DMD: variants seen among roughly 807,000 people sequenced by gnomAD.
The protein encoded by DMD is dystrophin, also known as mutant dystrophin.
Under a neutral mutation model 330.1 loss-of-function variants are expected in DMD, and 63 were observed. The ratio of observed to expected loss-of-function variants is 0.19; its 90% CI spans 0.16 to 0.24. The LOEUF is 0.24. Ranked by LOEUF, DMD falls within the 10% of genes least tolerant of loss-of-function variation. The pLI, the probability that DMD is intolerant of heterozygous loss-of-function variation, is 1.00. For synonymous variants in DMD, 1,223 were observed against 959.8 expected, an observed-to-expected ratio of 1.27 and a Z score of -5.07; for missense variants, 3,344 against 2,684.1, an observed-to-expected ratio of 1.25 and a Z score of -5.43.
intron 1 of DMD, among the ~76,000 whole-genome samples, chrX:33,021,360 G>A (rs1046002037): frequency 1.5e-5 from 1 of 67,865 alleles, no homozygotes; most frequent in Non-Finnish European, 2.6e-5. Context: ...TTTTCTCCAA[G>A]CAAAAGACTA....
chrX:32,900,911 T>C (rs889122457), intron 2 of DMD, among the ~76,000 whole-genome samples: 10 of 111,213 alleles, frequency 9.0e-5, no homozygotes, highest in African/African-American at 3.3e-4. Flanking sequence ...GTATTATTAT[T>C]TATTAAGAAT....
rs145606148 is a variant in DMD at position 32,766,450 on chromosome X, T to G, written c.649+43043A>C. 4.7e-3 allele frequency among the ~76,000 whole-genome samples: 530 copies of G among 111,840 alleles called. 12 individuals are homozygous for G. The East Asian group carries it at 0.087, about 18-fold the overall frequency. On this transcript the variant is annotated intron_variant, in intron 7 of 78. Transcript: ENST00000357033. Reference sequence around the variant, plus strand: ...TTAATTCCTAAGTATTTTACTCTTTTTGTTACTATTTTAAATAAAATTGTT... The same window carrying G: ...TTAATTCCTAAGTATTTTACTCTTTGTGTTACTATTTTAAATAAAATTGTT...
At chrX:32,752,467 C>T (rs2070950852) in intron 7 of DMD, among the ~76,000 whole-genome samples, 2 of 108,614 alleles carry the variant, frequency 1.8e-5, no homozygotes, top group South Asian at 8.4e-4. Flanking sequence ...TTACCCAATG[C>T]CTGTAACCCC....
At chrX:32,774,888 C>T (rs1213985826) in intron 7 of DMD, among the ~76,000 whole-genome samples, 1 of 111,826 alleles carries the variant, frequency 8.9e-6, no homozygotes, top group African/African-American at 3.3e-5. Flanking sequence ...GTCAAAATTC[C>T]AAGTCCAAAG....
chrX:32,452,533 G>A (rs999189936), intron 26 of DMD, among the ~76,000 whole-genome samples: 1 of 99,408 alleles, frequency 1.0e-5, no homozygotes, highest in African/African-American at 3.6e-5. Context: ...AAAAAGAGAT[G>A]AAATAGAATA....
At chrX:32,084,188 TAAG>T (rs987326992) in intron 44 of DMD, among the ~76,000 whole-genome samples, 1 of 111,959 alleles carries the variant, frequency 8.9e-6, no homozygotes, top group Non-Finnish European at 1.9e-5. Context: ...CTTGAGTTAG[TAAG>T]AAGGACTTAG....
chrX:32,400,885 T>C (rs867655078), intron 30 of DMD, among the ~76,000 whole-genome samples: 4 of 109,540 alleles, frequency 3.7e-5, no homozygotes, highest in Admixed American at 2.9e-4. Flanking sequence ...TGCACACGTA[T>C]GTTTATTGCG....
chrX:31,684,619 G>A (rs746188220), intron 52 of DMD, among the ~76,000 whole-genome samples: 2 of 111,907 alleles, frequency 1.8e-5, no homozygotes, highest in Non-Finnish European at 3.8e-5. Flanking sequence ...TGTTGTTCGT[G>A]ATTCTAAAAG....
Position 32,132,007 on chromosome X carries a change from G to A in DMD, c.6438+84909C>T, listed in dbSNP as rs1186527339. ...ATGGCTATAAAAGCACATTTTAAAT[G>A]CCAGAGGGATATAAAAATGGAAGGT... is the stretch of plus-strand genomic sequence containing the variant. On this transcript the variant is annotated intron_variant, in intron 44 of 78. Transcript: ENST00000357033. 2.7e-5 allele frequency among the ~76,000 whole-genome samples: 3 copies of A among 111,915 alleles called. No homozygotes were observed. The East Asian group carries it at 8.4e-4, about 31-fold the overall frequency.
At chrX:32,368,348 G>C (rs953899337) in intron 34 of DMD, among the ~76,000 whole-genome samples, 3 of 110,990 alleles carry the variant, frequency 2.7e-5, no homozygotes, top group Non-Finnish European at 5.7e-5. Flanking sequence ...AAACAGATGA[G>C]CCATGGCTGG....
chrX:32,701,675 A>C (rs1016519301), intron 7 of DMD, among the ~76,000 whole-genome samples: 1 of 111,501 alleles, frequency 9.0e-6, no homozygotes, highest in East Asian at 2.8e-4. Flanking sequence ...TAAAACCATG[A>C]TGTGAGAAAA....
At chrX:31,465,202 A>AT (rs773067113) in intron 59 of DMD, among the ~76,000 whole-genome samples, 36 of 108,954 alleles carry the variant, frequency 3.3e-4, no homozygotes, top group East Asian at 8.6e-4. Context: ...TTTGGTCAGG[A>AT]TTTTTTTTTT....
chrX:32,166,182 T>C (rs929071364), intron 44 of DMD, among the ~76,000 whole-genome samples: 4 of 111,488 alleles, frequency 3.6e-5, no homozygotes, highest in Non-Finnish European at 7.5e-5. Flanking sequence ...CGGCTGGGCA[T>C]GGTGGTTCAT....
At position 31,721,684 on chromosome X, in the gene DMD, CACTCTCTCTCTCTCT is replaced by C. The variant is rs2085510693; in HGVS notation, c.7660+7932_7660+7946del. 4.2e-3 allele frequency among the ~76,000 whole-genome samples: 286 copies of C among 68,515 alleles called. 4 individuals carry two copies. The highest frequency in any genetic ancestry group is 0.014 in the African/African-American group (275 of 20,159). The allele number at this position is 68,515 out of a possible 115,157, so 59.5% of individuals were successfully genotyped here. On this transcript the variant is annotated intron_variant, in intron 52 of 78. Transcript: ENST00000357033. ...TTATTACCAATCTCTCTCTCTCTCT[CACTCTCTCTCTCTCT>C]CTCTCTCTCTCTCTCTCTCTATATA...
intron 7 of DMD, among the ~76,000 whole-genome samples, chrX:32,803,941 G>A (rs1485873146): frequency 8.9e-6 from 1 of 112,057 alleles, no homozygotes; most frequent in African/African-American, 3.2e-5. Flanking sequence ...TTGATTTGGG[G>A]TGGAGAGTTC....
At chrX:33,131,687 G>A (rs746037488) in intron 1 of DMD, among the ~76,000 whole-genome samples, 31 of 109,660 alleles carry the variant, frequency 2.8e-4, no homozygotes, top group African/African-American at 5.2e-4. Flanking sequence ...AGGGTTCATC[G>A]GTACGATAAG....
chrX:33,124,960 G>T (rs1441533359), intron 1 of DMD, among the ~76,000 whole-genome samples: 1 of 103,601 alleles, frequency 9.7e-6, no homozygotes, highest in East Asian at 3.0e-4. Context: ...AGAGGCGGAG[G>T]TTGCGGTGAG....
intron 44 of DMD, among the ~76,000 whole-genome samples, chrX:32,099,149 C>A (rs1369923722): frequency 8.9e-6 from 1 of 111,802 alleles, no homozygotes; most frequent in East Asian, 2.8e-4. Context: ...CCCATCCTCT[C>A]CAGCACCTGT....
chrX:31,598,681 C>T (rs1681434908), intron 55 of DMD, among the ~76,000 whole-genome samples: 1 of 111,840 alleles, frequency 8.9e-6, no homozygotes, highest in Non-Finnish European at 1.9e-5. Flanking sequence ...ACAAATTGTT[C>T]TCAGGAGCTA....
Sources: allele counts gnomAD v4.1 joint callset (sites outside exome capture counted in the v4.1 genomes callset), GRCh38; gene constraint gnomAD v4.1.1; transcripts MANE v1.5; gene names NCBI Gene and HGNC (gene_info 2026-07-23, HGNC 2026-07-21).